Variants in GABRD observed in about 807,000 individuals in gnomAD.
The protein encoded by GABRD is gamma-aminobutyric acid receptor subunit delta.
In GABRD, 25 loss-of-function variants were observed where a neutral mutation model predicts 47.3. The observed-to-expected ratio is 0.53, with a 90% confidence interval of 0.39 to 0.74. GABRD has a LOEUF of 0.74. Ranked by LOEUF, GABRD falls within the 30% of genes least tolerant of loss-of-function variation. GABRD has a pLI of 0.00. For synonymous variants in GABRD, 314 were observed against 278.8 expected (o/e 1.13, Z -1.26); for missense variants, 497 against 643.4 (o/e 0.77, Z 2.46).
At chr1:2,027,532 G>T in intron 4 of GABRD, 45 bp from the exon 5 acceptor site, 1 of 1,532,910 alleles carries the variant, frequency 6.5e-7, no homozygotes, top group African/African-American at 1.4e-5. Context: ...TTTCGGGAGG[G>T]CTGGCCTCAC....
chr1:2,023,195 G>C (rs1658829625), intron 1 of GABRD, among the ~76,000 whole-genome samples: 2 of 152,106 alleles, frequency 1.3e-5, no homozygotes, highest in Non-Finnish European at 2.9e-5. Context: ...GCTGGACTTA[G>C]CCTGAGGCAC....
At position 2,025,555 on chromosome 1, in the gene GABRD, G is replaced by C. The variant is rs751411266; in HGVS notation, c.287G>C (p.Arg96Pro). 1 of 1,613,096 alleles carries C rather than the reference G, an allele frequency of 6.2e-7. No homozygotes were observed. Among genetic ancestry groups the C allele is most frequent in the Non-Finnish European group, 8.5e-7 (1 of 1,180,012 alleles). The change falls in exon 4 of 9, where the codon CGG becomes CCG. Residue 96 changes from arginine to proline, a missense_variant. Arg to Pro is a moderately radical substitution (Grantham distance 103, BLOSUM62 -2). Coordinates refer to ENST00000378585, the MANE Select transcript of GABRD (RefSeq NM_000815.5). Reference sequence around the variant, plus strand: ...ACGGTGTTCCTGCACCAGAGCTGGCGGGACAGCAGGCTCTCCTACAACCAC... The same window carrying C: ...ACGGTGTTCCTGCACCAGAGCTGGCCGGACAGCAGGCTCTCCTACAACCAC... Reference protein sequence around the residue: ...TMTVFLHQSWRDSRLSYNHTN... With the variant: ...TMTVFLHQSWPDSRLSYNHTN...
In GABRD at chr1:2,030,034, A is replaced by G. The variant is rs969607922; in HGVS notation, c.1111A>G (p.Thr371Ala). 6.2e-7 allele frequency: 1 copy of G among 1,612,474 alleles called. No individual in the cohort carries two copies. Among genetic ancestry groups the G allele is most frequent in the Non-Finnish European group, 8.5e-7 (1 of 1,179,860 alleles). The part of the protein sequence containing the change: ...VLFSLSAAGV[T>A]QELAISRRQR... Reference sequence around the variant, plus strand: ...CTTCTCCCTCTCTGCTGCCGGCGTCACGCAGGAGCTGGCCATCTCCCGCCG... The same window carrying G: ...CTTCTCCCTCTCTGCTGCCGGCGTCGCGCAGGAGCTGGCCATCTCCCGCCG... Residue 371 changes from threonine to alanine, a missense_variant, in exon 9 of 9, where the codon ACG becomes GCG. By Grantham distance (58) the Thr-to-Ala change is moderately conservative. This residue lies in a region of GABRD where 285 missense variants were observed against 436.6 expected (regional missense o/e 0.65). Transcript: ENST00000378585.
Position 2,022,750 on chromosome 1 carries a change from G to A in GABRD, c.69-2192G>A, listed in dbSNP as rs758750019. Among the ~76,000 whole-genome samples the A allele has an allele frequency of 1.1e-4, 16 of 152,192 alleles. 1 individual carries two copies. Among genetic ancestry groups the A allele is most frequent in the East Asian group, 3.9e-4 (2 of 5,186 alleles). ...GCCTGCTCCTCCTTAGCCCTGTGCC[G>A]GGCCACTCCTGGGGGTCCCGTGGGC... is the stretch of plus-strand genomic sequence containing the variant. On this transcript the variant is annotated intron_variant, in intron 1 of 8. Transcript: ENST00000378585.
chr1:2,022,766 T>G (rs1044730360), intron 1 of GABRD, among the ~76,000 whole-genome samples: 1 of 152,210 alleles, frequency 6.6e-6, no homozygotes, highest in Admixed American at 6.5e-5. Flanking sequence ...CTCCTGGGGG[T>G]CCCGTGGGCG....
intron 1 of GABRD, among the ~76,000 whole-genome samples, chr1:2,020,586 C>T (rs937147886): frequency 3.9e-5 from 6 of 152,202 alleles, no homozygotes; most frequent in African/African-American, 1.2e-4. Context: ...CTAAGCAGCC[C>T]GTGTCCTGGG....
At chr1:2,025,239 G>A in intron 2 of GABRD, 95 bp from the exon 3 acceptor site, 1 of 1,472,572 alleles carries the variant, frequency 6.8e-7, no homozygotes, top group Non-Finnish European at 9.5e-7. Context: ...GGCCATGATG[G>A]CCGACTGCCT....
Position 2,029,670 on chromosome 1 carries a change from G to A in GABRD, c.967G>A (p.Ala323Thr), listed in dbSNP as rs1235518760. The A allele has an allele frequency of 6.2e-7, 1 of 1,613,584 alleles. No individual in the cohort carries two copies. Among genetic ancestry groups the A allele is most frequent in the Admixed American group, 1.7e-5 (1 of 60,030 alleles). Residue 323 changes from alanine (A) to threonine (T), a missense_variant, in exon 8 of 9, where the codon GCC (alanine) becomes ACC (threonine). Physicochemically the swap from Ala to Thr is moderately conservative, Grantham distance 58. Coordinates refer to ENST00000378585, the MANE Select transcript of GABRD (RefSeq NM_000815.5). ...CTGGATCTGCTATGTCTTCGTGTTT[G>A]CCGCCCTGGTGGAGTACGCCTTTGC... ...YFWICYVFVF[A>T]ALVEYAFAHF...
In GABRD at chr1:2,028,375, G is replaced by T; in HGVS notation, c.691+83G>T. ...ACCGCCCCTTCCGCGCGCGCCCACC[G>T]CCCCTTCCGCGTGCGCCCGCCTGTG... On this transcript the variant is annotated intron_variant, in intron 6 of 8. Coordinates refer to ENST00000378585, the MANE Select transcript of GABRD (RefSeq NM_000815.5). This position sits in a 1 kb window ranked among gnomAD's most constrained non-coding sequence, Gnocchi z 6.4. The T allele has an allele frequency of 1.5e-6, 2 of 1,314,038 alleles. No homozygotes were observed. Among genetic ancestry groups the T allele is most frequent in the African/African-American group, 3.2e-5 (2 of 63,264 alleles). 81.4% of individuals were successfully genotyped at this position (1,314,038 alleles called of 1,614,324 possible).
chr1:2,023,581 G>A (rs969227235), intron 1 of GABRD: 2 of 152,364 alleles, frequency 1.3e-5, no homozygotes, highest in Admixed American at 6.5e-5. Context: ...GGCTGTATCT[G>A]AACTGGGGTC....
chr1:2,026,680 A>C (rs1333053530), intron 4 of GABRD: 1 of 152,128 alleles, frequency 6.6e-6, no homozygotes, highest in Admixed American at 6.6e-5. Flanking sequence ...CTAAAAATAC[A>C]AAAGATTCGC....
rs1167376297 is a variant in GABRD, at chr1:2,028,722, C to G, written c.692-389C>G. On this transcript the variant is annotated intron_variant, in intron 6 of 8. Transcript: ENST00000378585. This position sits in a 1 kb window ranked among gnomAD's most constrained non-coding sequence, Gnocchi z 6.4. The stretch of plus-strand genomic sequence containing the variant: ...TTCCCACCCCTACGCACCCCGTCCC[C>G]GGTCATCCAGAGCCAGTGAGCCCAG... Among the ~76,000 whole-genome samples the G allele has an allele frequency of 2.6e-5, 4 of 152,220 alleles. No individual in the cohort carries two copies. The highest frequency in any genetic ancestry group is 4.4e-5 in the Non-Finnish European group (3 of 68,040).
rs554874571 is a variant in GABRD, at chr1:2,028,529, A to G, written c.691+237A>G. 2.0e-5 allele frequency among the ~76,000 whole-genome samples: 3 copies of G among 152,170 alleles called. No homozygotes were observed. The highest frequency in any genetic ancestry group is 1.9e-4 in the East Asian group (1 of 5,168). ...CTGAACCAGGGCTTCCAGGCCTGCC[A>G]TTGTGTGGGCGTGGGTCAGGCCTTC... On this transcript the variant is annotated intron_variant, in intron 6 of 8. Transcript: ENST00000378585. The surrounding 1 kb of genome is among the most constrained non-coding windows in gnomAD (Gnocchi z 6.4).
At position 2,029,588 on chromosome 1, in the gene GABRD, C is replaced by T. The variant is rs757483435; in HGVS notation, c.885C>T (p.Val295=). The T allele has an allele frequency of 6.2e-7, 1 of 1,613,078 alleles. No homozygotes were observed. ...TTVLTMTTLM[V]SARSSLPRAS... ...TGCTGACGATGACCACGCTCATGGT[C>T]AGTGCCCGCTCCTCCCTGCCACGGG... The change falls in exon 8 of 9, where the codon GTC becomes GTT. Residue 295 remains valine (V), a synonymous_variant. Coordinates refer to ENST00000378585, the MANE Select transcript of GABRD (RefSeq NM_000815.5).
chr1:2,023,335 G>A (rs1475739148), intron 1 of GABRD, among the ~76,000 whole-genome samples: 5 of 151,966 alleles, frequency 3.3e-5, no homozygotes, highest in Non-Finnish European at 4.4e-5. Flanking sequence ...GGTGCTGCAC[G>A]GGGTGGGGCT....
rs904712181 is a variant in GABRD at position 2,029,382 on chromosome 1, G to A, written c.847+116G>A. 4.9e-5 allele frequency: 71 copies of A among 1,438,664 alleles called. 1 individual carries two copies. In the South Asian group the frequency reaches 7.7e-4, roughly 16 times the overall value. 89.1% of individuals were successfully genotyped at this position (1,438,664 alleles called of 1,614,324 possible). ...CCTCTGGACCATGCCAGCTGTCCTG[G>A]GGCAGTGGCCAGCCGGGCCAGGCCA... On this transcript the variant is annotated intron_variant, in intron 7 of 8. Coordinates refer to ENST00000378585, the MANE Select transcript of GABRD (RefSeq NM_000815.5).
chr1:2,025,844 G>A (rs1301641530), intron 4 of GABRD, 106 bp downstream of exon 4: 4 of 993,656 alleles, frequency 4.0e-6, no homozygotes, highest in African/African-American at 3.2e-5. Context: ...TCTGCTGCCG[G>A]GAGCTGGCGG....
rs139746646 is a variant in GABRD at position 2,028,631 on chromosome 1, T to C, written c.691+339T>C. ...AAACCAGAGGGTGTGGGGAGCTCTC[T>C]TAGCCCCAGGTCTGCAGGGCTCAGG... is the stretch of plus-strand genomic sequence containing the variant. On this transcript the variant is annotated intron_variant, in intron 6 of 8. Transcript: ENST00000378585. The surrounding 1 kb of genome is among the most constrained non-coding windows in gnomAD (Gnocchi z 6.4). Among the ~76,000 whole-genome samples the C allele has an allele frequency of 3.9e-3, 593 of 152,316 alleles. 9 individuals carry two copies. The highest frequency in any genetic ancestry group is 0.014 in the African/African-American group (567 of 41,568).
intron 7 of GABRD, 125 bp downstream of exon 7, chr1:2,029,391 C>A: frequency 7.1e-7 from 1 of 1,417,372 alleles, no homozygotes; most frequent in Non-Finnish European, 9.5e-7. Flanking sequence ...GGGGCAGTGG[C>A]CAGCCGGGCC....
Sources: gnomAD v4.1 joint callset for allele counts (sites outside exome capture counted in the v4.1 genomes callset) on GRCh38, gnomAD v4.1.1 for gene constraint, gnomAD v4.1.1 regional missense constraint, Gnocchi (gnomAD v3.1) non-coding constraint, MANE v1.5 for transcripts, NCBI Gene and HGNC (gene_info 2026-07-23, HGNC 2026-07-21) for gene names.